HYAL1: variants seen among roughly 807,000 people sequenced by gnomAD.
HYAL1 encodes hyaluronidase-1.
A neutral mutation model predicts 28.8 loss-of-function variants in HYAL1; 21 were observed. The ratio of observed to expected loss-of-function variants is 0.73; its 90% CI spans 0.52 to 1.05. The LOEUF is 1.05. Ranked by LOEUF, HYAL1 falls within the 50% of genes least tolerant of loss-of-function variation. The probability of loss-of-function intolerance (pLI) is 0.00; values close to 1 mark genes in which losing one functional copy is unlikely to be tolerated. For missense variants in HYAL1, 491 were observed against 579.2 expected (o/e 0.85, Z 1.56); for synonymous variants, 200 against 230.1 (o/e 0.87, Z 1.18).
At position 50,300,721 on chromosome 3, in the gene HYAL1, AGAAGGGCCCCACTGGTCACGTTCAGGAT is replaced by A. The variant is rs1389304309; in HGVS notation, c.1042_1069del (p.Ile348SerfsTer42). The A allele has an allele frequency of 1.9e-6, 3 of 1,613,984 alleles. No individual in the cohort carries two copies. Among genetic ancestry groups the A allele is most frequent in the African/African-American group, 2.7e-5 (2 of 74,928 alleles). ...GCCGGAGCACAGGGCTTGACTGCAG[AGAAGGGCCCCACTGGTCACGTTCAGGAT>A]GAAGGGCCCCAGTGTAGTGTCCATA... On this transcript the variant is annotated frameshift_variant, in exon 4 of 4. Transcript: ENST00000395144. LOFTEE classifies it low-confidence loss of function (END_TRUNC).
chr3:50,312,059 G>A (rs1211498161), intron 1 of HYAL1, among the ~76,000 whole-genome samples: 24 of 136,350 alleles, frequency 1.8e-4, no homozygotes, highest in Admixed American at 3.6e-4. Flanking sequence ...GCGGCTGGCC[G>A]GGCGGGGGGC....
At chr3:50,305,330 G>GC (rs1381556095), upstream of HYAL1, among the ~76,000 whole-genome samples, 7 of 152,074 alleles carry the variant, frequency 4.6e-5, no homozygotes, top group Non-Finnish European at 8.8e-5. Context: ...TGCAAGCTCT[G>GC]CCCCCCGGGT....
Position 50,300,663 on chromosome 3 carries a change from G to A in HYAL1, c.1128C>T (p.Pro376=), listed in dbSNP as rs781894836. Residue 376 remains proline (P), a synonymous_variant, in exon 4 of 4, where the codon CCC becomes CCT. Transcript: ENST00000395144. ...CAGGGTTAAGGAGGAGGAGGGCTTT[G>A]GGGTGGCTGGTGCGGCGGACACAGC... ...HGRCVRRTSH[P]KALLLLNPAS... The A allele has an allele frequency of 3.7e-6, 6 of 1,613,976 alleles. No individual in the cohort carries two copies. The East Asian group carries it at 1.1e-4, about 30-fold the overall frequency.
chr3:50,303,000 C>A lies in HYAL1; in HGVS notation c.-24-20G>T. ...GACAACCTGGCCAGGGGAGGCAGAG[C>A]TGAGAACAGGTTGCAAAGTCTCCGA... On this transcript the variant is annotated intron_variant, in intron 1 of 3. Transcript: ENST00000395144. This position sits in a 1 kb window ranked among gnomAD's most constrained non-coding sequence, Gnocchi z 5.0. 1 of 1,519,586 alleles carries A rather than the reference C, an allele frequency of 6.6e-7. No individual in the cohort carries two copies. Among genetic ancestry groups the A allele is most frequent in the South Asian group, 1.3e-5 (1 of 76,276 alleles). 94.1% of individuals were successfully genotyped at this position (1,519,586 alleles called of 1,614,324 possible). A position where few individuals can be genotyped will look rare whatever the true frequency, so the allele number is the denominator to read the frequency against.
At chr3:50,306,030 C>A (rs1374274171), upstream of HYAL1, among the ~76,000 whole-genome samples, 1 of 151,178 alleles carries the variant, frequency 6.6e-6, no homozygotes, top group African/African-American at 2.5e-5. Flanking sequence ...CATTTGGTAA[C>A]TATGGATGGA....
At chr3:50,312,130 C>A (rs1209525945) in intron 1 of HYAL1, 1 of 150,004 alleles carries the variant, frequency 6.7e-6, no homozygotes, top group Non-Finnish European at 1.4e-5. Flanking sequence ...GACCCCCCCA[C>A]CTCCCTCCAG....
chr3:50,300,501 C>G lies in HYAL1; in HGVS notation c.1290G>C (p.Glu430Asp), dbSNP rs147678727. The change falls in exon 4 of 4, where the codon GAG (glutamate) becomes GAC (aspartate). Residue 430 changes from glutamate (E) to aspartate (D), a missense_variant. Physicochemically the swap from Glu to Asp is conservative, Grantham distance 45. Transcript: ENST00000395144. The stretch of plus-strand genomic sequence containing the variant: ...TGGCCAATCACCACATGCTCTTCCG[C>G]TCACACCACGGTGCCTGCCAGCCAG... ...CYPGWQAPWCERKSMW is the reference protein window; with the variant it reads ...CYPGWQAPWCDRKSMW 6.7e-4 allele frequency: 1,084 copies of G among 1,614,242 alleles called. 1 individual carries two copies. Among genetic ancestry groups the G allele is most frequent in the Non-Finnish European group, 8.5e-4 (1,004 of 1,180,050 alleles).
At chr3:50,307,647 C>G (rs2109314249), upstream of HYAL1, among the ~76,000 whole-genome samples, 1 of 118,108 alleles carries the variant, frequency 8.5e-6, no homozygotes, top group Admixed American at 9.2e-5. Flanking sequence ...TGCCACTGCA[C>G]TCCAGCCTGG....
At chr3:50,311,266 G>C (rs1266615672) in intron 1 of HYAL1, among the ~76,000 whole-genome samples, 27 of 136,346 alleles carry the variant, frequency 2.0e-4, no homozygotes, top group African/African-American at 5.6e-4. Context: ...GGGGCGGGGG[G>C]CTGACCCCCC....
chr3:50,311,804 C>T (rs1171594213), intron 1 of HYAL1, among the ~76,000 whole-genome samples: 9 of 143,902 alleles, frequency 6.3e-5, no homozygotes, highest in South Asian at 2.2e-4. Context: ...CGGGCAGAGG[C>T]GCCCCTCACC....
chr3:50,302,377 G>A lies in HYAL1; in HGVS notation c.580C>T (p.Arg194Cys), dbSNP rs782275827. ...AGTLQLGRAL[R>C]PRGLWGFYGF... ...TAGAAGCCCCAGAGGCCGCGAGGAC[G>A]CAGTGCCCGCCCCAGCTGGAGGGTG... The change falls in exon 2 of 4, where the codon CGT (arginine) becomes TGT (cysteine). Residue 194 changes from arginine (R) to cysteine (C), a missense_variant. Coordinates refer to ENST00000395144, the MANE Select transcript of HYAL1 (RefSeq NM_033159.4). This position sits in a 1 kb window ranked among gnomAD's most constrained non-coding sequence, Gnocchi z 5.0. 5.0e-6 allele frequency: 8 copies of A among 1,613,658 alleles called. No individual in the cohort carries two copies. Among genetic ancestry groups the A allele is most frequent in the East Asian group, 2.2e-5 (1 of 44,896 alleles).
intron 1 of HYAL1, among the ~76,000 whole-genome samples, chr3:50,311,908 C>CCA (rs1553714918): frequency 6.7e-6 from 1 of 148,500 alleles, no homozygotes; most frequent in African/African-American, 2.5e-5. Flanking sequence ...ATCCCCCCTC[C>CCA]CCTCACGGAT....
At chr3:50,301,852 G>A (rs201833198) in intron 2 of HYAL1, among the ~76,000 whole-genome samples, 1 of 151,562 alleles carries the variant, frequency 6.6e-6, no homozygotes, top group East Asian at 1.9e-4. Context: ...CTCGGAGGCT[G>A]AGGCAGGAGA....
intron 1 of HYAL1, among the ~76,000 whole-genome samples, chr3:50,311,853 C>T (rs1435938015): frequency 6.7e-6 from 1 of 149,596 alleles, no homozygotes; most frequent in Non-Finnish European, 1.5e-5. Context: ...GGGCTGACCC[C>T]CCCACCTCCC....
chr3:50,312,289 G>A (rs1377295829), exon 1 of HYAL1: 4 of 182,288 alleles, frequency 2.2e-5, no homozygotes, highest in South Asian at 8.5e-5. Context: ...GCTGCTGGGC[G>A]GAGGGGCTCC....
chr3:50,303,112 G>T, intron 1 of HYAL1, 132 bp from the exon 2 acceptor site: 1 of 714,178 alleles, frequency 1.4e-6, no homozygotes. Context: ...GACCTGCAGG[G>T]CTCCAGGAGG....
At chr3:50,311,692 G>C (rs1470607257) in intron 1 of HYAL1, among the ~76,000 whole-genome samples, 1 of 146,212 alleles carries the variant, frequency 6.8e-6, no homozygotes, top group Non-Finnish European at 1.5e-5. Flanking sequence ...CCTCCCTCCC[G>C]GACGGGGCGG....
intron 2 of HYAL1, among the ~76,000 whole-genome samples, chr3:50,301,612 T>A (rs2109305630): frequency 8.3e-6 from 1 of 119,820 alleles, no homozygotes; most frequent in East Asian, 2.4e-4. Context: ...CAAGACTCCG[T>A]CTCAAAAAAA....
At chr3:50,305,693 A>G (rs781830447), upstream of HYAL1, among the ~76,000 whole-genome samples, 5 of 149,986 alleles carry the variant, frequency 3.3e-5, no homozygotes, top group Admixed American at 1.3e-4. Flanking sequence ...GTGCCACCAC[A>G]CCCAGCTAAT....
Sources: gnomAD v4.1 joint callset for allele counts (sites outside exome capture counted in the v4.1 genomes callset) on GRCh38, gnomAD v4.1.1 for gene constraint, Gnocchi (gnomAD v3.1) non-coding constraint, MANE v1.5 for transcripts, NCBI Gene and HGNC (gene_info 2026-07-23, HGNC 2026-07-21) for gene names.